POLD1: variants seen among roughly 807,000 people sequenced by gnomAD.
POLD1 encodes the protein DNA polymerase delta 1, catalytic subunit, also known as DNA polymerase delta catalytic subunit.
In POLD1, 79 loss-of-function variants were observed where a neutral mutation model predicts 129.7. The ratio of observed to expected loss-of-function variants is 0.61; its 90% confidence interval spans 0.51 to 0.73. The LOEUF is 0.73. Ranked by LOEUF, POLD1 falls within the 30% of genes least tolerant of loss-of-function variation. The pLI is 0.00. For synonymous variants in POLD1, 714 were observed against 683.3 expected (o/e 1.04, Z -0.70); for missense variants, 1,338 against 1,595.8 (o/e 0.84, Z 2.75).
chr19:50,400,486 G>A (rs1458226071), intron 3 of POLD1, among the ~76,000 whole-genome samples: 7 of 145,112 alleles, frequency 4.8e-5, no homozygotes, highest in African/African-American at 1.8e-4. Flanking sequence ...CTCCCAAAGT[G>A]CTGGGATTAC....
Position 50,393,124 on chromosome 19 carries a change from T to C in POLD1, c.-1-5727T>C, listed in dbSNP as rs141705864. Among the ~76,000 whole-genome samples the C allele has an allele frequency of 2.0e-5, 3 of 152,328 alleles. No individual in the cohort carries two copies. In the East Asian group the frequency reaches 5.8e-4, roughly 29 times the overall value. On this transcript the variant is annotated intron_variant, in intron 1 of 26. Coordinates refer to ENST00000440232, the MANE Select transcript of POLD1 (RefSeq NM_002691.4). ...ACAGTGTACGTCCCTAGATGTGGAATTGAGCCTCCAAACTTTTATGTTTAT... is the reference window on the plus strand; with the variant it reads ...ACAGTGTACGTCCCTAGATGTGGAACTGAGCCTCCAAACTTTTATGTTTAT...
At chr19:50,387,991 G>A (rs1389799305) in intron 1 of POLD1, among the ~76,000 whole-genome samples, 1 of 152,124 alleles carries the variant, frequency 6.6e-6, no homozygotes, top group Non-Finnish European at 1.5e-5. Flanking sequence ...AAAGTACTCA[G>A]CAAAAAAGGG....
At chr19:50,408,736 C>CA in intron 14 of POLD1, 49 bp from the exon 15 acceptor site, 2 of 1,600,120 alleles carry the variant, frequency 1.2e-6, no homozygotes, top group Non-Finnish European at 1.7e-6. Flanking sequence ...GCGGGGGCGG[C>CA]ATGGGAACTC....
At chr19:50,393,788 G>A (rs560826662) in intron 1 of POLD1, among the ~76,000 whole-genome samples, 19 of 152,232 alleles carry the variant, frequency 1.2e-4, no homozygotes, top group South Asian at 4.1e-4. Flanking sequence ...CCCATACTCC[G>A]TAAGCAGTCA....
chr19:50,414,574 A>G lies in POLD1; in HGVS notation c.2389-241A>G, dbSNP rs865785705. On this transcript the variant is annotated intron_variant, in intron 19 of 26. Coordinates refer to ENST00000440232, the MANE Select transcript of POLD1 (RefSeq NM_002691.4). Reference sequence around the variant, plus strand: ...ATCTCATGTTTTAGGGACTATCTGGATTTATCCCAGTCTCTGTTTCAGATT... The same window carrying G: ...ATCTCATGTTTTAGGGACTATCTGGGTTTATCCCAGTCTCTGTTTCAGATT... Among the ~76,000 whole-genome samples, 6 of 152,068 alleles carry G rather than the reference A, an allele frequency of 3.9e-5. 1 individual carries two copies. In the Middle Eastern group the frequency reaches 0.014, roughly 345 times the overall value.
intron 10 of POLD1, 107 bp downstream of exon 10, chr19:50,403,704 C>T: frequency 1.3e-6 from 1 of 776,562 alleles, no homozygotes; most frequent in Non-Finnish European, 2.3e-6. Flanking sequence ...GCATCTTGCT[C>T]TGTGTGCCTC....
At position 50,411,866 on chromosome 19, in the gene POLD1, A is replaced by G. The variant is rs1275973338; in HGVS notation, c.2155-1560A>G. Among the ~76,000 whole-genome samples the G allele has an allele frequency of 2.6e-5, 4 of 151,942 alleles. No homozygotes were observed. In the East Asian group the frequency reaches 7.7e-4, roughly 29 times the overall value. ...AAAAAAAAAAAAAGTAATGAATTACAGTGTTCACGCCTGTAATCCCAACAC... is the reference window on the plus strand; with the variant it reads ...AAAAAAAAAAAAAGTAATGAATTACGGTGTTCACGCCTGTAATCCCAACAC... On this transcript the variant is annotated intron_variant, in intron 17 of 26. Coordinates refer to ENST00000440232, the MANE Select transcript of POLD1 (RefSeq NM_002691.4).
Position 50,418,013 on chromosome 19 carries a change from T to C in POLD1, c.*66T>C. 9.7e-7 allele frequency: 1 copy of C among 1,027,960 alleles called. No individual in the cohort carries two copies. Among genetic ancestry groups the C allele is most frequent in the African/African-American group, 1.6e-5 (1 of 63,388 alleles). The allele number at this position is 1,027,960 out of a possible 1,614,324, so 63.7% of individuals were successfully genotyped here. A position where few individuals can be genotyped will look rare whatever the true frequency, so the allele number is the denominator to read the frequency against. Reference sequence around the variant, plus strand: ...AATTAATAAAGTTCTGGACTTTTGCTATATGGTGCTTTGTGGTCTCTGGGG... The same window carrying C: ...AATTAATAAAGTTCTGGACTTTTGCCATATGGTGCTTTGTGGTCTCTGGGG... On this transcript the variant is annotated 3_prime_UTR_variant, in exon 27 of 27. Transcript: ENST00000440232. The surrounding 1 kb of genome is among the most constrained non-coding windows in gnomAD (Gnocchi z 6.0).
Position 50,409,691 on chromosome 19 carries a change from C to T in POLD1, c.2154+25C>T, listed in dbSNP as rs2122391019. ...GGTGGGCACTCGGGCCCCTGGAAGG[C>T]AACTGGGGGCAGGTGGGCCCCCTGT... On this transcript the variant is annotated intron_variant, in intron 17 of 26. Transcript: ENST00000440232. This position sits in a 1 kb window ranked among gnomAD's most constrained non-coding sequence, Gnocchi z 5.8. 1 of 1,578,666 alleles carries T rather than the reference C, an allele frequency of 6.3e-7. No individual in the cohort carries two copies. Among genetic ancestry groups the T allele is most frequent in the Non-Finnish European group, 8.6e-7 (1 of 1,159,658 alleles).
intron 10 of POLD1, among the ~76,000 whole-genome samples, chr19:50,405,345 A>G (rs987049772): frequency 2.0e-5 from 3 of 152,210 alleles, no homozygotes; most frequent in African/African-American, 7.2e-5. Context: ...TAGGGCTTCA[A>G]CATCTTTTGG....
intron 19 of POLD1, among the ~76,000 whole-genome samples, chr19:50,414,225 C>T (rs1038161359): frequency 6.6e-5 from 10 of 152,218 alleles, no homozygotes; most frequent in African/African-American, 9.7e-5. Flanking sequence ...CCTCTGAGTG[C>T]GGCACACTTG....
chr19:50,401,103 C>T (rs1330098157), intron 3 of POLD1, among the ~76,000 whole-genome samples: 1 of 151,164 alleles, frequency 6.6e-6, no homozygotes, highest in Non-Finnish European at 1.5e-5. Flanking sequence ...GCCTGGCCAA[C>T]ATGGTGAAAC....
At chr19:50,399,138 C>T (rs1447225350) in intron 2 of POLD1, 85 bp downstream of exon 2, 2 of 1,542,836 alleles carry the variant, frequency 1.3e-6, no homozygotes, top group African/African-American at 2.7e-5. Context: ...GCAAAGCTGA[C>T]CTGTGACCCC....
At position 50,403,119 on chromosome 19, in the gene POLD1, A is replaced by T. The variant is rs1464011232; in HGVS notation, c.1037A>T (p.Glu346Val). Residue 346 changes from glutamate to valine, a missense_variant, in exon 9 of 27, where the codon GAG becomes GTG. Glu to Val is a moderately radical substitution (Grantham distance 121, BLOSUM62 -2). Around this residue, in one of 3 missense-constraint regions of POLD1, gnomAD observed 720 missense variants for 1,002.6 expected, o/e 0.72. Transcript: ENST00000440232. Reference protein sequence around the residue: ...QICSLGLRWGEPEPFLRLALT... With the variant: ...QICSLGLRWGVPEPFLRLALT... The stretch of plus-strand genomic sequence containing the variant: ...TGCTCGCTGGGCCTGCGCTGGGGGG[A>T]GCCGGAGCCCTTCCTACGCCTGGCG... 6.4e-7 allele frequency: 1 copy of T among 1,563,014 alleles called. No homozygotes were observed. The highest frequency in any genetic ancestry group is 1.2e-5 in the South Asian group (1 of 84,972).
At chr19:50,417,309 C>G (rs1262476241) in intron 26 of POLD1, 40 bp downstream of exon 26, 1 of 1,403,810 alleles carries the variant, frequency 7.1e-7, no homozygotes, top group South Asian at 1.2e-5. Flanking sequence ...CCCGCCCCTT[C>G]CCAGCTCCCA....
intron 3 of POLD1, among the ~76,000 whole-genome samples, chr19:50,399,849 C>G (rs1353774772): frequency 6.6e-6 from 1 of 152,176 alleles, no homozygotes; most frequent in Non-Finnish European, 1.5e-5. Context: ...GAGTCTTGCC[C>G]TGTTGCCCAG....
chr19:50,415,864 C>G (rs553180621), intron 22 of POLD1, 38 bp downstream of exon 22: 4 of 1,337,258 alleles, frequency 3.0e-6, no homozygotes, highest in East Asian at 2.5e-5. Flanking sequence ...GCCCAGCCCC[C>G]TCGCTCTCAC....
chr19:50,401,391 A>ATATATATATT (rs1334231607), intron 3 of POLD1, among the ~76,000 whole-genome samples: 11 of 65,946 alleles, frequency 1.7e-4, no homozygotes, highest in South Asian at 5.9e-4. Flanking sequence ...ATATATATAT[A>ATATATATATT]TTTTTTTTTT....
chr19:50,410,070 C>T (rs573531783), intron 17 of POLD1, among the ~76,000 whole-genome samples: 3 of 152,032 alleles, frequency 2.0e-5, no homozygotes, highest in South Asian at 4.3e-4. Flanking sequence ...ACTCACCCCT[C>T]TCAATAGGCG....
Sources: gnomAD v4.1 joint callset for allele counts (sites outside exome capture counted in the v4.1 genomes callset) on GRCh38, gnomAD v4.1.1 for gene constraint, gnomAD v4.1.1 regional missense constraint, Gnocchi (gnomAD v3.1) non-coding constraint, MANE v1.5 for transcripts, NCBI Gene and HGNC (gene_info 2026-07-23, HGNC 2026-07-21) for gene names.